The following ZFY variants were observed in gnomAD, a reference collection of about 807,000 sequenced individuals.
ZFY encodes the protein zinc finger protein Y-linked.
For missense variants in ZFY, 113 were observed against 170.9 expected, an observed-to-expected ratio of 0.66 and a Z score of 1.89; for synonymous variants, 47 against 55.8, an observed-to-expected ratio of 0.84 and a Z score of 0.71.
chrY:2,936,731 C>T, intron 1 of ZFY, among the ~76,000 whole-genome samples: 1 of 34,388 alleles, frequency 2.9e-5, no homozygotes, highest in Admixed American at 2.6e-4. Flanking sequence ...ACAGTTTCAT[C>T]TTCAAAATAC....
At chrY:2,958,602 A>G (rs1603311314) in intron 2 of ZFY, among the ~76,000 whole-genome samples, 1 of 33,478 alleles carries the variant, frequency 3.0e-5, no homozygotes, top group African/African-American at 1.2e-4. Context: ...AGGAGCCTCT[A>G]TATCATGCAG....
At chrY:2,968,411 C>T in intron 3 of ZFY, among the ~76,000 whole-genome samples, 1 of 29,049 alleles carries the variant, frequency 3.4e-5, no homozygotes, top group African/African-American at 1.4e-4. Flanking sequence ...GCTGGGTTCA[C>T]GCCATTCTCC....
At chrY:2,946,505 A>G (rs2051262530) in intron 1 of ZFY, among the ~76,000 whole-genome samples, 1 of 32,600 alleles carries the variant, frequency 3.1e-5, no homozygotes, top group Non-Finnish European at 7.4e-5. Flanking sequence ...TTTAATGTTA[A>G]ACCCAGTTAC....
chrY:2,944,339 C>G, intron 1 of ZFY, among the ~76,000 whole-genome samples: 4 of 30,660 alleles, frequency 1.3e-4, no homozygotes, highest in African/African-American at 5.1e-4. Flanking sequence ...TCCTTCCATT[C>G]ACAATTTTAG....
At position 2,979,810 on chromosome Y, in the gene ZFY, A is replaced by G; in HGVS notation, c.2223A>G (p.Lys741=). 7 of 399,437 alleles carry G rather than the reference A, an allele frequency of 1.8e-5. No individual in the cohort carries two copies. The highest frequency in any genetic ancestry group is 2.5e-5 in the Non-Finnish European group (7 of 283,840). ...KKHMKTHSGR[K]VYQCEYCEYS... ...ATATGAAGACACACAGTGGCAGGAA[A>G]GTATATCAGTGTGAGTACTGTGAGT... The change falls in exon 8 of 8, where the codon AAA becomes AAG. Residue 741 remains lysine (K), a synonymous_variant. Coordinates refer to ENST00000155093, the MANE Select transcript of ZFY (RefSeq NM_003411.4).
intron 1 of ZFY, among the ~76,000 whole-genome samples, chrY:2,948,711 A>G (rs775668505): frequency 5.9e-5 from 2 of 33,731 alleles, no homozygotes; most frequent in Non-Finnish European, 1.5e-4. Flanking sequence ...ATGGATAAAT[A>G]GAAGTATAAC....
At chrY:2,947,712 A>G (rs760450166) in intron 1 of ZFY, among the ~76,000 whole-genome samples, 2 of 33,811 alleles carry the variant, frequency 5.9e-5, no homozygotes. Context: ...AACAAAGACA[A>G]TGTGTTGAGT....
intron 3 of ZFY, among the ~76,000 whole-genome samples, chrY:2,972,594 A>G (rs2051351693): frequency 2.9e-5 from 1 of 33,971 alleles, no homozygotes; most frequent in African/African-American, 1.1e-4. Context: ...AAAACCTAAA[A>G]TAGTCAAAAC....
chrY:2,937,344 C>G, intron 1 of ZFY, among the ~76,000 whole-genome samples: 1 of 30,183 alleles, frequency 3.3e-5, no homozygotes, highest in Non-Finnish European at 7.9e-5. Flanking sequence ...ATAGCGAAAC[C>G]CCGTCTCTAC....
At chrY:2,954,699 A>AAAAT (rs751926000) in intron 2 of ZFY, among the ~76,000 whole-genome samples, 1,362 of 26,527 alleles carry the variant, frequency 0.051, no homozygotes, top group South Asian at 0.22. Context: ...AGTGTCTCAA[A>AAAAT]AAATAAATAA....
At chrY:2,942,744 C>T in intron 1 of ZFY, among the ~76,000 whole-genome samples, 2 of 31,540 alleles carry the variant, frequency 6.3e-5, no homozygotes, top group African/African-American at 1.2e-4. Flanking sequence ...TTTTCTTTCT[C>T]CATTCATTTA....
chrY:2,959,862 C>T (rs1603311354), intron 2 of ZFY, among the ~76,000 whole-genome samples: 1 of 29,481 alleles, frequency 3.4e-5, no homozygotes, highest in Non-Finnish European at 8.0e-5. Context: ...TTTTTCCTTT[C>T]CTTTTCTTTT....
chrY:2,941,061 G>C, intron 1 of ZFY, among the ~76,000 whole-genome samples: 1 of 33,575 alleles, frequency 3.0e-5, no homozygotes, highest in Non-Finnish European at 7.4e-5. Context: ...TTTATTAGTT[G>C]TAAGTGAATA....
At chrY:2,976,629 A>G in intron 5 of ZFY, 41 bp from the exon 6 acceptor site, 1 of 329,367 alleles carries the variant, frequency 3.0e-6, no homozygotes, top group Non-Finnish European at 4.3e-6. Flanking sequence ...TGATCTCTGT[A>G]AACCTAGTCA....
In ZFY at chrY:2,966,369, G is replaced by A. The variant is rs1603311658; in HGVS notation, c.634+4723G>A. The stretch of plus-strand genomic sequence containing the variant: ...TCTGGGGTGGAAAATTATGACAACT[G>A]AAATGAAGATTTCACCAGATGAACT... On this transcript the variant is annotated intron_variant, in intron 3 of 7. Coordinates refer to ENST00000155093, the MANE Select transcript of ZFY (RefSeq NM_003411.4). Among the ~76,000 whole-genome samples the A allele has an allele frequency of 1.2e-4, 4 of 33,611 alleles. No individual in the cohort carries two copies. In the East Asian group the frequency reaches 2.3e-3, roughly 19 times the overall value. 90.2% of individuals were successfully genotyped at this position (33,611 alleles called of 37,273 possible). A position where few individuals can be genotyped will look rare whatever the true frequency, so the allele number is the denominator to read the frequency against.
At chrY:2,952,968 A>G in intron 1 of ZFY, among the ~76,000 whole-genome samples, 2 of 33,229 alleles carry the variant, frequency 6.0e-5, no homozygotes, top group South Asian at 1.3e-3. Flanking sequence ...TTACTGTAGA[A>G]AGACTGGAGA....
chrY:2,954,699 AAAATAAATAAATAAATAAATAAAT>A (rs751926000), intron 2 of ZFY, among the ~76,000 whole-genome samples: 1 of 26,524 alleles, frequency 3.8e-5, no homozygotes, highest in Non-Finnish European at 8.7e-5. Flanking sequence ...AGTGTCTCAA[AAAATAAATAAATAAATAAATAAAT>A]AAATAAATAA....
intron 1 of ZFY, among the ~76,000 whole-genome samples, chrY:2,951,467 A>G (rs2051278199): frequency 6.0e-5 from 2 of 33,237 alleles, no homozygotes; most frequent in Non-Finnish European, 1.5e-4. Flanking sequence ...GATTGGTGAT[A>G]ATGGGAATAC....
chrY:2,962,901 A>C, intron 3 of ZFY, among the ~76,000 whole-genome samples: 1 of 32,924 alleles, frequency 3.0e-5, no homozygotes, highest in South Asian at 6.7e-4. Context: ...AAATATTTTT[A>C]TATGCTGAAT....
Sources: allele counts gnomAD v4.1 joint callset (sites outside exome capture counted in the v4.1 genomes callset), GRCh38; gene constraint gnomAD v4.1.1; transcripts MANE v1.5; gene names NCBI Gene and HGNC (gene_info 2026-07-23, HGNC 2026-07-21).